The following RPL31 variants were observed in gnomAD, a reference collection of about 807,000 sequenced individuals.
RPL31 encodes the protein large ribosomal subunit protein eL31.
For synonymous variants in RPL31, 51 were observed against 55.0 expected (o/e 0.93, Z 0.32); for missense variants, 95 against 164.0 (o/e 0.58, Z 2.30).
At chr2:101,017,748 A>G in intron 4 of RPL31, 1 of 1,203,316 alleles carries the variant, frequency 8.3e-7, no homozygotes, top group African/African-American at 1.5e-5. Context: ...GATAGGGTCA[A>G]GTGACAAAAA....
intron 2 of RPL31, among the ~76,000 whole-genome samples, chr2:101,003,114 C>G (rs1047157515): frequency 6.6e-6 from 1 of 152,214 alleles, no homozygotes; most frequent in Non-Finnish European, 1.5e-5. Flanking sequence ...CATCGGCCTT[C>G]TATCTTAGGT....
At chr2:101,003,123 G>A (rs1678602340) in intron 2 of RPL31, among the ~76,000 whole-genome samples, 1 of 152,112 alleles carries the variant, frequency 6.6e-6, no homozygotes, top group African/African-American at 2.4e-5. Flanking sequence ...TCTATCTTAG[G>A]TTAGAAATCA....
intron 4 of RPL31, among the ~76,000 whole-genome samples, chr2:101,014,966 T>C (rs184089029): frequency 2.7e-5 from 4 of 149,282 alleles, no homozygotes; most frequent in Non-Finnish European, 5.9e-5. Context: ...CTGTGAAATC[T>C]ATTATTTTAT....
chr2:101,010,893 A>G (rs1573852361), downstream of RPL31: 4 of 1,578,220 alleles, frequency 2.5e-6, no homozygotes, highest in East Asian at 4.5e-5. Context: ...AAAAAAAAAA[A>G]AAAAGTTAAT....
chr2:101,010,986 AAT>A, downstream of RPL31: 1 of 1,613,164 alleles, frequency 6.2e-7, no homozygotes, highest in East Asian at 2.2e-5. Flanking sequence ...CTAAATCCTT[AAT>A]CATCTGCTTC....
chr2:101,006,219 A>G lies in RPL31; in HGVS notation c.347-131A>G, dbSNP rs1056742998. On this transcript the variant is annotated intron_variant, in intron 4 of 4. Transcript: ENST00000264258. ...GTGTGGGAAGATGCTAAAGAATGCA[A>G]AACTGATCCATATCTGGGATGTAAA... The G allele has an allele frequency of 2.0e-6, 3 of 1,512,160 alleles. No individual in the cohort carries two copies. The East Asian group carries it at 7.1e-5, about 36-fold the overall frequency. The allele number at this position is 1,512,160 out of a possible 1,614,324, so 93.7% of individuals were successfully genotyped here.
At chr2:101,012,781 A>G (rs1308118252) in intron 4 of RPL31, among the ~76,000 whole-genome samples, 1 of 152,208 alleles carries the variant, frequency 6.6e-6, no homozygotes, top group African/African-American at 2.4e-5. Context: ...TTCGTAAACC[A>G]TTTCACTGAA....
chr2:101,006,459 T>C lies in RPL31; in HGVS notation c.*78T>C, dbSNP rs780426907. 7.5e-7 allele frequency: 1 copy of C among 1,335,770 alleles called. No homozygotes were observed. Among genetic ancestry groups the C allele is most frequent in the Non-Finnish European group, 1.0e-6 (1 of 960,546 alleles). The allele number at this position is 1,335,770 out of a possible 1,614,324, so 82.7% of individuals were successfully genotyped here. A position where few individuals can be genotyped will look rare whatever the true frequency, so the allele number is the denominator to read the frequency against. On this transcript the variant is annotated 3_prime_UTR_variant, in exon 5 of 5. Transcript: ENST00000264258. ...CTTTTTAGTTGCAACATAATGTACT[T>C]GTATACCCTATCCTAATTATGGGAT...
chr2:101,007,364 A>AAAC (rs1364552958), downstream of RPL31: 2 of 157,892 alleles, frequency 1.3e-5, no homozygotes, highest in Non-Finnish European at 2.8e-5. Context: ...ACCAGCATTG[A>AAAC]AACAGTGCAA....
chr2:101,004,304 C>T (rs13420285), intron 3 of RPL31, 21 bp downstream of exon 3: 1 of 1,611,928 alleles, frequency 6.2e-7, no homozygotes, highest in Non-Finnish European at 8.5e-7. Flanking sequence ...TATCTGTATT[C>T]GAAGGTGAAC....
chr2:101,005,900 A>C, intron 3 of RPL31, 59 bp from the exon 4 acceptor site: 1 of 1,397,600 alleles, frequency 7.2e-7, no homozygotes, highest in Non-Finnish European at 1.0e-6. Context: ...GAATACAGCT[A>C]GTGGCTGCTT....
chr2:101,014,595 T>C (rs1679475006), intron 4 of RPL31, among the ~76,000 whole-genome samples: 2 of 152,190 alleles, frequency 1.3e-5, no homozygotes, highest in Admixed American at 1.3e-4. Context: ...CCAATCTGCT[T>C]CCATTTCACC....
chr2:101,005,915 G>T, intron 3 of RPL31, 44 bp from the exon 4 acceptor site: 3 of 1,537,794 alleles, frequency 2.0e-6, no homozygotes, highest in Non-Finnish European at 2.7e-6. Context: ...CTGCTTGGTT[G>T]AAAGGAGGCA....
At position 101,006,575 on chromosome 2, in the gene RPL31, T is replaced by G. The variant is rs1359774447; in HGVS notation, c.*194T>G. On this transcript the variant is annotated 3_prime_UTR_variant, in exon 5 of 5. Transcript: ENST00000264258. ...AGTGATTTCAAACTGCAACCTAGTT[T>G]TAGAACCACTGTTCTGGGTAGTTGG... 1.9e-6 allele frequency: 1 copy of G among 535,116 alleles called. No homozygotes were observed. Among genetic ancestry groups the G allele is most frequent in the Non-Finnish European group, 3.2e-6 (1 of 309,890 alleles). The allele number at this position is 535,116 out of a possible 1,614,324, so 33.1% of individuals were successfully genotyped here.
At chr2:101,007,473 G>A (rs1678813087), downstream of RPL31, 2 of 219,716 alleles carry the variant, frequency 9.1e-6, no homozygotes. Context: ...AGTGAAAAAT[G>A]AAAGCATGGG....
At chr2:101,010,043 G>A (rs892536777), downstream of RPL31, among the ~76,000 whole-genome samples, 10 of 151,810 alleles carry the variant, frequency 6.6e-5, no homozygotes, top group African/African-American at 2.2e-4. Context: ...AGCCAGGATG[G>A]TCTCAATCTT....
chr2:101,004,807 T>C (rs1678659615), intron 3 of RPL31: 1 of 153,800 alleles, frequency 6.5e-6, no homozygotes, highest in Non-Finnish European at 1.4e-5. Flanking sequence ...CAACAAAAAA[T>C]TGCCTAGCTC....
chr2:101,011,585 T>C (rs766730671), downstream of RPL31: 9 of 1,598,344 alleles, frequency 5.6e-6, no homozygotes, highest in Non-Finnish European at 7.7e-6. Flanking sequence ...TTTTCTGCCT[T>C]ACCAAAACTG....
chr2:101,003,005 C>T (rs1196567515), intron 2 of RPL31, among the ~76,000 whole-genome samples, 197 bp downstream of exon 2: 1 of 152,268 alleles, frequency 6.6e-6, no homozygotes, highest in East Asian at 1.9e-4. Context: ...TCTTTCTGAC[C>T]GCCCCCATTA....
Sources: gnomAD v4.1 joint callset for allele counts (sites outside exome capture counted in the v4.1 genomes callset) on GRCh38, gnomAD v4.1.1 for gene constraint, MANE v1.5 for transcripts, NCBI Gene and HGNC (gene_info 2026-07-23, HGNC 2026-07-21) for gene names.